SPRR2G: variants seen among roughly 807,000 people sequenced by gnomAD.
SPRR2G encodes the protein small proline rich protein 2G.
SPRR2G carries 1 observed loss-of-function variant against 0.7 expected under a neutral mutation model. That is an observed-to-expected ratio of 1.49 (90% CI 0.53 to 7.06). The LOEUF is 7.06. Ranked by LOEUF, SPRR2G falls within the 30% of genes most tolerant of loss-of-function variation. SPRR2G has a pLI of 0.14. For missense variants in SPRR2G, 96 were observed against 88.5 expected (o/e 1.09, Z -0.34); for synonymous variants, 38 against 33.9 (o/e 1.12, Z -0.42).
At chr1:153,152,040 A>G (rs1410165797), upstream of SPRR2G, among the ~76,000 whole-genome samples, 1 of 152,254 alleles carries the variant, frequency 6.6e-6, no homozygotes, top group African/African-American at 2.4e-5. Context: ...CAGTTTACAC[A>G]GCTGTAAAAC....
chr1:153,192,057 T>C, the SPRR2G span, among the ~76,000 whole-genome samples: 1 of 152,210 alleles, frequency 6.6e-6, no homozygotes, highest in Non-Finnish European at 1.5e-5. Flanking sequence ...AGAAGCCTCC[T>C]CGGTTGTCTC....
At chr1:153,197,776 A>G in the SPRR2G span, among the ~76,000 whole-genome samples, 26 of 152,248 alleles carry the variant, frequency 1.7e-4, no homozygotes, top group African/African-American at 6.0e-4. Flanking sequence ...TTCAAATTGT[A>G]TATAGAAGAT....
chr1:153,169,272 G>A, the SPRR2G span, among the ~76,000 whole-genome samples: 1 of 151,992 alleles, frequency 6.6e-6, no homozygotes, highest in Non-Finnish European at 1.5e-5. Context: ...CTGATAAAAG[G>A]CCACCTACCA....
At chr1:153,194,380 A>G in the SPRR2G span, among the ~76,000 whole-genome samples, 1 of 152,180 alleles carries the variant, frequency 6.6e-6, no homozygotes, top group Non-Finnish European at 1.5e-5. Flanking sequence ...AGGCCTTCAA[A>G]AGATTAGTTG....
chr1:153,180,529 T>C, the SPRR2G span, among the ~76,000 whole-genome samples: 3 of 152,224 alleles, frequency 2.0e-5, no homozygotes, highest in African/African-American at 7.2e-5. Flanking sequence ...AAAGGTATTT[T>C]AGTAGTTTCC....
At chr1:153,196,682 A>T in the SPRR2G span, among the ~76,000 whole-genome samples, 1 of 152,168 alleles carries the variant, frequency 6.6e-6, no homozygotes, top group East Asian at 1.9e-4. Flanking sequence ...TGTCCCCCAA[A>T]TTTCCTGACT....
upstream of SPRR2G, among the ~76,000 whole-genome samples, chr1:153,153,452 G>A (rs896464415): frequency 1.3e-5 from 2 of 152,112 alleles, no homozygotes; most frequent in Non-Finnish European, 2.9e-5. Flanking sequence ...ATACTTCTCT[G>A]ACGGACATTT....
Position 153,149,923 on chromosome 1 carries a change from G to T in SPRR2G, c.188C>A (p.Pro63His), listed in dbSNP as rs770544611. 1.2e-6 allele frequency: 2 copies of T among 1,614,068 alleles called. No homozygotes were observed. The highest frequency in any genetic ancestry group is 1.7e-5 in the Admixed American group (1 of 60,010). The change falls in exon 2 of 2, where the codon CCC becomes CAC. Residue 63 changes from proline to histidine, a missense_variant. Coordinates refer to ENST00000368748, the MANE Select transcript of SPRR2G (RefSeq NM_001014291.4). ...CTTGGGTGGATACTTCTGCTGGCAGGGTGGGTATGGTTGCACAGGAGGGCA... is the reference window on the plus strand; with the variant it reads ...CTTGGGTGGATACTTCTGCTGGCAGTGTGGGTATGGTTGCACAGGAGGGCA... The part of the protein sequence containing the change: ...DKCPPVQPYP[P>H]CQQKYPPKSK
chr1:153,165,059 AGGAT>A, the SPRR2G span, among the ~76,000 whole-genome samples: 16 of 152,198 alleles, frequency 1.1e-4, no homozygotes, highest in Non-Finnish European at 2.1e-4. Flanking sequence ...CAACTAGAAG[AGGAT>A]GATGAATGAG....
chr1:153,159,974 T>C, the SPRR2G span, among the ~76,000 whole-genome samples: 1 of 152,226 alleles, frequency 6.6e-6, no homozygotes, highest in Non-Finnish European at 1.5e-5. Context: ...ACCAGATTGT[T>C]AACCATAGGT....
chr1:153,198,629 T>G, the SPRR2G span, among the ~76,000 whole-genome samples: 4 of 152,208 alleles, frequency 2.6e-5, no homozygotes, highest in Middle Eastern at 3.4e-3. Flanking sequence ...CCAGGTTTCT[T>G]GTTAAGTCTT....
chr1:153,162,497 G>T, the SPRR2G span, among the ~76,000 whole-genome samples: 1 of 152,162 alleles, frequency 6.6e-6, no homozygotes, highest in South Asian at 2.1e-4. Flanking sequence ...CTCCATTACT[G>T]CTATGCGTCC....
the SPRR2G span, among the ~76,000 whole-genome samples, chr1:153,181,932 ATACT>A: frequency 6.6e-6 from 1 of 152,100 alleles, no homozygotes; most frequent in African/African-American, 2.4e-5. Context: ...CTTCAAATAA[ATACT>A]TAGTAGTGGG....
chr1:153,168,354 G>A, the SPRR2G span, among the ~76,000 whole-genome samples: 2 of 152,186 alleles, frequency 1.3e-5, no homozygotes, highest in African/African-American at 2.4e-5. Flanking sequence ...TCACATAGAA[G>A]TATATCAGGA....
chr1:153,185,215 C>G, the SPRR2G span, among the ~76,000 whole-genome samples: 3 of 152,074 alleles, frequency 2.0e-5, no homozygotes, highest in East Asian at 5.8e-4. Flanking sequence ...TGATGCTGGC[C>G]TCATAAAATG....
the SPRR2G span, among the ~76,000 whole-genome samples, chr1:153,182,642 T>C: frequency 6.6e-6 from 1 of 152,068 alleles, no homozygotes; most frequent in Non-Finnish European, 1.5e-5. Context: ...ACTTAGGGTG[T>C]TTGGTCTTCA....
At chr1:153,154,111 G>A (rs1571027401), upstream of SPRR2G, among the ~76,000 whole-genome samples, 1 of 149,584 alleles carries the variant, frequency 6.7e-6, no homozygotes, top group African/African-American at 2.4e-5. Context: ...TTTATGTAGT[G>A]TATCACATTT....
the SPRR2G span, among the ~76,000 whole-genome samples, chr1:153,173,283 G>A: frequency 6.6e-6 from 1 of 152,188 alleles, no homozygotes; most frequent in Non-Finnish European, 1.5e-5. Context: ...CCCCAGGCTT[G>A]TGATATTCGA....
the SPRR2G span, among the ~76,000 whole-genome samples, chr1:153,201,633 T>C: frequency 6.6e-6 from 1 of 152,216 alleles, no homozygotes; most frequent in East Asian, 1.9e-4. Flanking sequence ...ACTATGACTC[T>C]ATCGCCAATT....
Sources: allele counts gnomAD v4.1 joint callset (sites outside exome capture counted in the v4.1 genomes callset), GRCh38; gene constraint gnomAD v4.1.1; transcripts MANE v1.5; gene names NCBI Gene and HGNC (gene_info 2026-07-23, HGNC 2026-07-21).